The following CSMD2 variants were observed in gnomAD, a reference collection of about 807,000 sequenced individuals.
The protein encoded by CSMD2 is CUB and sushi domain-containing protein 2.
In CSMD2, 130 loss-of-function variants were observed where a neutral mutation model predicts 398.5. That is an observed-to-expected ratio of 0.33 (90% CI 0.28 to 0.38). The LOEUF is 0.38. Among genes scored for constraint, CSMD2 ranks in the 10% least tolerant of loss-of-function variants. CSMD2 has a pLI of 1.00. For missense variants in CSMD2, 3,829 were observed against 4,764.9 expected (o/e 0.80, Z 5.78); for synonymous variants, 1,828 against 1,908.5 (o/e 0.96, Z 1.10).
chr1:33,921,321 T>C (rs1401331627), intron 4 of CSMD2, among the ~76,000 whole-genome samples: 1 of 152,218 alleles, frequency 6.6e-6, no homozygotes, highest in African/African-American at 2.4e-5. Context: ...CAGGAGGCTA[T>C]GATGTCTGAC....
intron 25 of CSMD2, among the ~76,000 whole-genome samples, chr1:33,684,809 C>A (rs760824839): frequency 1.3e-5 from 2 of 152,230 alleles, no homozygotes; most frequent in African/African-American, 2.4e-5. Flanking sequence ...CCCCCAACTG[C>A]CATACAGAAT....
At chr1:33,621,412 C>T (rs1557635140) in intron 37 of CSMD2, among the ~76,000 whole-genome samples, 1 of 152,186 alleles carries the variant, frequency 6.6e-6, no homozygotes, top group Non-Finnish European at 1.5e-5. Context: ...TGTCATGCAC[C>T]TCTCTGTCTA....
intron 25 of CSMD2, among the ~76,000 whole-genome samples, chr1:33,678,862 C>A (rs1644808922): frequency 6.6e-6 from 1 of 152,190 alleles, no homozygotes; most frequent in South Asian, 2.1e-4. Context: ...ATAAAAGATT[C>A]TTTGGTTATT....
rs141401835 is a variant in CSMD2, at chr1:33,867,217, T to C, written c.921-20221A>G. Among the ~76,000 whole-genome samples, 794 of 152,366 alleles carry C rather than the reference T, an allele frequency of 5.2e-3. 6 individuals are homozygous for C. Among genetic ancestry groups the C allele is most frequent in the South Asian group, 0.033 (160 of 4,830 alleles). On this transcript the variant is annotated intron_variant, in intron 5 of 70. Transcript: ENST00000373381. ...TAAGTGGTCAAGTTTGAGAAGCCCA[T>C]GTGGCAAGGAATGACAAGGAACTGT...
intron 3 of CSMD2, among the ~76,000 whole-genome samples, chr1:33,941,401 A>G (rs768754909): frequency 6.6e-6 from 1 of 152,190 alleles, no homozygotes; most frequent in African/African-American, 2.4e-5. Flanking sequence ...TCTTCCATCA[A>G]GTAACTTGTT....
intron 5 of CSMD2, among the ~76,000 whole-genome samples, chr1:33,907,857 G>A (rs573997790): frequency 1.3e-3 from 193 of 152,128 alleles, no homozygotes; most frequent in Non-Finnish European, 1.9e-3. Context: ...TGGGCTGGGC[G>A]TGGTGGCTCA....
chr1:33,643,001 G>A (rs555417526), intron 29 of CSMD2, among the ~76,000 whole-genome samples: 10 of 152,244 alleles, frequency 6.6e-5, no homozygotes, highest in African/African-American at 2.2e-4. Context: ...TATGTGGGGC[G>A]CTCGTAGGCC....
intron 13 of CSMD2, among the ~76,000 whole-genome samples, chr1:33,755,921 CT>C (rs901733508): frequency 2.6e-5 from 4 of 151,818 alleles, no homozygotes; most frequent in East Asian, 1.9e-4. Flanking sequence ...TTTTGTGTTT[CT>C]TTTTTTTCTG....
At chr1:34,034,024 T>A (rs1268244893) in intron 2 of CSMD2, among the ~76,000 whole-genome samples, 3 of 152,054 alleles carry the variant, frequency 2.0e-5, no homozygotes, top group African/African-American at 4.8e-5. Flanking sequence ...TATAAACACA[T>A]CCAGCAAAAG....
intron 4 of CSMD2, among the ~76,000 whole-genome samples, chr1:33,933,405 C>A (rs1203184341): frequency 1.3e-5 from 2 of 152,202 alleles, no homozygotes; most frequent in Non-Finnish European, 2.9e-5. Context: ...GATACCCCCG[C>A]TGCATCCAGT....
chr1:34,109,010 C>G (rs1382599), intron 1 of CSMD2, among the ~76,000 whole-genome samples: 59,376 of 152,018 alleles, frequency 0.39, 12,236 homozygotes, highest in East Asian at 0.68. Context: ...ATGTGGTCAC[C>G]AGCTGTTGGA....
rs192928689 is a variant in CSMD2, at chr1:33,865,845, T to C, written c.921-18849A>G. On this transcript the variant is annotated intron_variant, in intron 5 of 70. Coordinates refer to ENST00000373381, the MANE Select transcript of CSMD2 (RefSeq NM_001281956.2). ...CTATAATTTGACACAAATGGGATTGTGCTGTAAGTGTCTGTCTGGTAACTA... is the reference window on the plus strand; with the variant it reads ...CTATAATTTGACACAAATGGGATTGCGCTGTAAGTGTCTGTCTGGTAACTA... Among the ~76,000 whole-genome samples the C allele has an allele frequency of 2.6e-5, 4 of 152,340 alleles. No homozygotes were observed. The East Asian group carries it at 7.7e-4, about 29-fold the overall frequency.
rs200706709 is a variant in CSMD2 at position 33,819,862 on chromosome 1, G to C, written c.1200-25C>G. ...CCTGGGAGACAAAGTGTGTCTGTGA[G>C]CTCCATCCCTGGGCCTGCCAAGCCC... On this transcript the variant is annotated intron_variant, in intron 8 of 70. Coordinates refer to ENST00000373381, the MANE Select transcript of CSMD2 (RefSeq NM_001281956.2). 3.2e-5 allele frequency: 51 copies of C among 1,613,134 alleles called. No individual in the cohort carries two copies. The African/African-American group carries it at 6.1e-4, about 19-fold the overall frequency.
chr1:33,859,462 C>A (rs764473280), intron 5 of CSMD2, among the ~76,000 whole-genome samples: 2 of 152,200 alleles, frequency 1.3e-5, no homozygotes, highest in Non-Finnish European at 2.9e-5. Context: ...CCATGTGATT[C>A]TATCAGGCCC....
intron 40 of CSMD2, among the ~76,000 whole-genome samples, chr1:33,613,822 G>C (rs758754455): frequency 1.9e-4 from 29 of 152,158 alleles, no homozygotes; most frequent in East Asian, 7.7e-4. Context: ...GAGACATTTG[G>C]GTTAAATGAT....
At chr1:33,900,856 T>C (rs1642708209) in intron 5 of CSMD2, among the ~76,000 whole-genome samples, 1 of 151,828 alleles carries the variant, frequency 6.6e-6, no homozygotes, top group Non-Finnish European at 1.5e-5. Flanking sequence ...GCCTGAAACA[T>C]GGTAGCTCTC....
At position 33,790,936 on chromosome 1, in the gene CSMD2, T is replaced by G. The variant is rs193220185; in HGVS notation, c.1550+1487A>C. Among the ~76,000 whole-genome samples the G allele has an allele frequency of 7.7e-4, 117 of 152,368 alleles. No homozygotes were observed. In the Middle Eastern group the frequency reaches 0.014, roughly 18 times the overall value. ...ATTAGGCATGGGGGAGAATGCCCTG[T>G]GGGCTCACATTCCATTCCTTTGTCT... On this transcript the variant is annotated intron_variant, in intron 11 of 70. Transcript: ENST00000373381.
intron 1 of CSMD2, among the ~76,000 whole-genome samples, chr1:34,136,329 A>T (rs1638749283): frequency 6.6e-6 from 1 of 152,232 alleles, no homozygotes; most frequent in Non-Finnish European, 1.5e-5. Flanking sequence ...ACTCAGTTGA[A>T]TGTGCTGTGG....
intron 5 of CSMD2, among the ~76,000 whole-genome samples, chr1:33,914,412 T>TG (rs1558095510): frequency 0.029 from 2,960 of 103,226 alleles, 90 homozygotes; most frequent in African/African-American, 0.083. Context: ...GTGTGTGTGT[T>TG]TGTGTGTATG....
Sources: gnomAD v4.1 joint callset for allele counts (sites outside exome capture counted in the v4.1 genomes callset) on GRCh38, gnomAD v4.1.1 for gene constraint, MANE v1.5 for transcripts, NCBI Gene and HGNC (gene_info 2026-07-23, HGNC 2026-07-21) for gene names.